Variants in RGS11 observed in about 807,000 individuals in gnomAD.
The protein encoded by RGS11 is regulator of G protein signaling 11.
RGS11 carries 86 observed loss-of-function variants against 71.1 expected under a neutral mutation model. The observed-to-expected ratio is 1.21, with a 90% CI of 1.02 to 1.45. The LOEUF is 1.45. RGS11 is among the 40% of genes most tolerant of loss of function. RGS11 has a pLI of 0.00. For synonymous variants in RGS11, 298 were observed against 254.2 expected (o/e 1.17, Z -1.64); for missense variants, 734 against 635.1 (o/e 1.16, Z -1.67).
In RGS11 at chr16:274,033, G is replaced by C; in HGVS notation, c.429+10C>G. The C allele has an allele frequency of 6.5e-7, 1 of 1,549,444 alleles. No individual in the cohort carries two copies. Among genetic ancestry groups the C allele is most frequent in the Non-Finnish European group, 8.7e-7 (1 of 1,146,604 alleles). ...TACCCAGCCGGGGCGGGAAGGGTGG[G>C]GGGTCCCACCTTCTCATAATCCACC... is the stretch of plus-strand genomic sequence containing the variant. On this transcript the variant is annotated intron_variant, in intron 6 of 16. Coordinates refer to ENST00000397770, the MANE Select transcript of RGS11 (RefSeq NM_183337.3).
intron 7 of RGS11, 47 bp from the exon 8 acceptor site, chr16:273,603 C>T: frequency 3.9e-6 from 6 of 1,518,992 alleles, no homozygotes; most frequent in African/African-American, 1.4e-5. Context: ...ACACAGCAGC[C>T]CCTCCGCCCC....
intron 1 of RGS11, 38 bp downstream of exon 1, chr16:275,811 G>GA: frequency 1.1e-6 from 1 of 945,406 alleles, no homozygotes; most frequent in Non-Finnish European, 1.3e-6. Context: ...CGGGCGCCGG[G>GA]AAATCGGGGG....
chr16:274,536 G>T, intron 4 of RGS11: 1 of 596,262 alleles, frequency 1.7e-6, no homozygotes, highest in Non-Finnish European at 3.0e-6. Context: ...GGGGCTGGGG[G>T]CCTGCACAAG....
chr16:272,715 CG>C, intron 9 of RGS11, 147 bp downstream of exon 9: 1 of 1,487,648 alleles, frequency 6.7e-7, no homozygotes, highest in South Asian at 1.3e-5. Context: ...AGGGAGTGAC[CG>C]GGAGTGAGCA....
At chr16:273,187 T>C (rs975227493) in intron 8 of RGS11, among the ~76,000 whole-genome samples, 6 of 152,104 alleles carry the variant, frequency 3.9e-5, no homozygotes, top group Non-Finnish European at 8.8e-5. Flanking sequence ...GCCCCCACTC[T>C]GCCTGCTCCC....
At position 275,193 on chromosome 16, in the gene RGS11, G is replaced by A. The variant is rs994239260; in HGVS notation, c.211+90C>T. ...CCACCCTTGCACAGCGCGCTCAGCA[G>A]GGCTCTGAGAACTGCCAGACTCCAG... On this transcript the variant is annotated intron_variant, in intron 3 of 16. Transcript: ENST00000397770. 5.0e-6 allele frequency: 8 copies of A among 1,601,222 alleles called. No homozygotes were observed. In the African/African-American group the frequency reaches 1.1e-4, roughly 21 times the overall value.
At chr16:272,115 C>A in intron 9 of RGS11, 1 of 1,123,524 alleles carries the variant, frequency 8.9e-7, no homozygotes, top group Non-Finnish European at 1.1e-6. Flanking sequence ...GGATTAGAGA[C>A]GTGAGCCACC....
chr16:274,730 TG>T, intron 4 of RGS11: 1 of 699,716 alleles, frequency 1.4e-6, no homozygotes, highest in Non-Finnish European at 2.6e-6. Flanking sequence ...CGACCCCTTG[TG>T]GGGCCCTGCT....
At position 268,863 on chromosome 16, in the gene RGS11, G is replaced by C. The variant is rs957836762; in HGVS notation, c.*406C>G. Reference sequence around the variant, plus strand: ...TGTCCGCGTCTTGTGACGGGTGTGTGGGAAGCCGCCCGCCTGTGCATCTTG... The same window carrying C: ...TGTCCGCGTCTTGTGACGGGTGTGTCGGAAGCCGCCCGCCTGTGCATCTTG... On this transcript the variant is annotated 3_prime_UTR_variant, in exon 17 of 17. Transcript: ENST00000397770. 2 of 1,550,410 alleles carry C rather than the reference G, an allele frequency of 1.3e-6. No homozygotes were observed. Among genetic ancestry groups the C allele is most frequent in the Non-Finnish European group, 1.7e-6 (2 of 1,146,960 alleles).
rs776434050 is a variant in RGS11 at position 271,118 on chromosome 16, T to C, written c.864-19A>G. On this transcript the variant is annotated intron_variant, in intron 12 of 16. Coordinates refer to ENST00000397770, the MANE Select transcript of RGS11 (RefSeq NM_183337.3). ...AGCCACCCTGGGGAGAGGGCAGGGC[T>C]GTTGGGGAGGGTGGGGACTGACCCT... 1 of 1,606,222 alleles carries C rather than the reference T, an allele frequency of 6.2e-7. No homozygotes were observed. The highest frequency in any genetic ancestry group is 1.3e-5 in the African/African-American group (1 of 74,754).
At chr16:272,323 T>C (rs536125658) in intron 9 of RGS11, 1 of 1,287,900 alleles carries the variant, frequency 7.8e-7, no homozygotes, top group East Asian at 5.6e-5. Context: ...TCTGACCAGC[T>C]TTGTATGGGG....
At position 268,827 on chromosome 16, in the gene RGS11, C is replaced by G. The variant is rs759918872; in HGVS notation, c.*442G>C. 1.0e-5 allele frequency: 16 copies of G among 1,550,406 alleles called. No homozygotes were observed. Among genetic ancestry groups the G allele is most frequent in the Non-Finnish European group, 1.2e-5 (14 of 1,146,964 alleles). On this transcript the variant is annotated 3_prime_UTR_variant, in exon 17 of 17. Coordinates refer to ENST00000397770, the MANE Select transcript of RGS11 (RefSeq NM_183337.3). ...CTCTTGGACGGGGCAGAGCTCGCGCCGAGACCTGCATGTCCGCGTCTTGTG... is the reference window on the plus strand; with the variant it reads ...CTCTTGGACGGGGCAGAGCTCGCGCGGAGACCTGCATGTCCGCGTCTTGTG...
At chr16:270,698 G>A (rs2141405800) in intron 14 of RGS11, 37 bp from the exon 15 acceptor site, 1 of 1,609,808 alleles carries the variant, frequency 6.2e-7, no homozygotes, top group African/African-American at 1.3e-5. Context: ...TCTCGGCTGG[G>A]TGCACCTGCC....
chr16:270,442 G>A lies in RGS11; in HGVS notation c.1206+81C>T, dbSNP rs189609369. ...GAGTCAACGTGGGCAGTGCCTGTGC[G>A]GACAGAGCCCTTGAGGGTGGGGACA... On this transcript the variant is annotated intron_variant, in intron 15 of 16. Coordinates refer to ENST00000397770, the MANE Select transcript of RGS11 (RefSeq NM_183337.3). 564 of 1,469,094 alleles carry A rather than the reference G, an allele frequency of 3.8e-4. 3 individuals are homozygous for A. The African/African-American group carries it at 6.8e-3, about 18-fold the overall frequency. The allele number at this position is 1,469,094 out of a possible 1,614,324, so 91.0% of individuals were successfully genotyped here.
intron 3 of RGS11, 99 bp downstream of exon 3, chr16:275,184 C>T (rs2052114534): frequency 1.9e-6 from 3 of 1,593,914 alleles, no homozygotes; most frequent in Admixed American, 3.4e-5. Context: ...TTGCACAGCG[C>T]GCTCAGCAGG....
Position 269,272 on chromosome 16 carries a change from G to C in RGS11, c.1401C>G (p.Ala467=). The change falls in exon 17 of 17, where the codon GCC becomes GCG. Residue 467 remains alanine, a synonymous_variant. Transcript: ENST00000397770. ...ACGPGGGDGV[A] is the part of the protein sequence containing the mutation. Reference sequence around the variant, plus strand: ...AGTGGCAGATGGGCCAGGTCCACTAGGCCACCCCATCTCCACCCCCAGGGC... The same window carrying C: ...AGTGGCAGATGGGCCAGGTCCACTACGCCACCCCATCTCCACCCCCAGGGC... 6.4e-7 allele frequency: 1 copy of C among 1,562,714 alleles called. No individual in the cohort carries two copies.
rs372942041 is a variant in RGS11 at position 275,481 on chromosome 16, C to T, written c.81G>A (p.Val27=). The T allele has an allele frequency of 3.2e-6, 5 of 1,580,438 alleles. No homozygotes were observed. Among genetic ancestry groups the T allele is most frequent in the Middle Eastern group, 1.8e-4 (1 of 5,524 alleles). ...CGCCCTGGTCGGGGTCCTGCATGCT[C>T]ACGACCACCCGCTCCATCTGGGCGG... is the stretch of plus-strand genomic sequence containing the variant. ...PHLRKMERVV[V]SMQDPDQGVK... Residue 27 remains valine (V), a synonymous_variant, in exon 2 of 17, where the codon GTG becomes GTA. Transcript: ENST00000397770.
In RGS11 at chr16:273,422, C is replaced by T. The variant is rs546737599; in HGVS notation, c.588+53G>A. The T allele has an allele frequency of 2.3e-5, 32 of 1,399,712 alleles. No homozygotes were observed. In the East Asian group the frequency reaches 3.0e-4, roughly 13 times the overall value. The allele number at this position is 1,399,712 out of a possible 1,614,324, so 86.7% of individuals were successfully genotyped here. A position where few individuals can be genotyped will look rare whatever the true frequency, so the allele number is the denominator to read the frequency against. The stretch of plus-strand genomic sequence containing the variant: ...CCTGAGAGCGCCTGTCAGGGAAGCA[C>T]GCTGACCCCTGCGCTGGCCAGCGAC... On this transcript the variant is annotated intron_variant, in intron 8 of 16. Transcript: ENST00000397770.
At chr16:272,277 G>T in intron 9 of RGS11, 6 of 1,247,940 alleles carry the variant, frequency 4.8e-6, no homozygotes, top group Non-Finnish European at 6.2e-6. Flanking sequence ...GGAGGAGGCG[G>T]ACGCGCTGCG....
Sources: allele counts gnomAD v4.1 joint callset (sites outside exome capture counted in the v4.1 genomes callset), GRCh38; gene constraint gnomAD v4.1.1; transcripts MANE v1.5; gene names NCBI Gene and HGNC (gene_info 2026-07-23, HGNC 2026-07-21).